The following NR1H4 variants were observed in gnomAD, a reference collection of about 807,000 sequenced individuals.
NR1H4 encodes bile acid receptor.
A neutral mutation model predicts 58.5 loss-of-function variants in NR1H4; 23 were observed. That is an observed-to-expected ratio of 0.39 (90% CI 0.28 to 0.56). The LOEUF is 0.56. Ranked by LOEUF, NR1H4 falls within the 20% of genes least tolerant of loss-of-function variation. NR1H4 has a pLI of 0.58. For synonymous variants in NR1H4, 214 were observed against 198.0 expected (o/e 1.08, Z -0.68); for missense variants, 487 against 576.9 (o/e 0.84, Z 1.60).
intron 4 of NR1H4, among the ~76,000 whole-genome samples, chr12:100,517,823 G>A (rs1025247009): frequency 6.6e-6 from 1 of 152,200 alleles, no homozygotes; most frequent in African/African-American, 2.4e-5. Context: ...TGAAGCATAA[G>A]TTGTTAATCT....
At chr12:100,483,505 C>T (rs1342526282) in intron 1 of NR1H4, among the ~76,000 whole-genome samples, 1 of 152,160 alleles carries the variant, frequency 6.6e-6, no homozygotes, top group Non-Finnish European at 1.5e-5. Flanking sequence ...TATTGGCTCG[C>T]AGCCATCCTT....
At chr12:100,495,634 A>G (rs1214985233) in intron 3 of NR1H4, among the ~76,000 whole-genome samples, 1 of 106,668 alleles carries the variant, frequency 9.4e-6, no homozygotes, top group African/African-American at 3.7e-5. Context: ...AAGAGAACTG[A>G]GGCAGGAGAA....
chr12:100,492,129 AC>A (rs1385784638), intron 1 of NR1H4, among the ~76,000 whole-genome samples: 1 of 152,322 alleles, frequency 6.6e-6, no homozygotes, highest in African/African-American at 2.4e-5. Context: ...ATATGTGCTC[AC>A]TGAATATTTG....
intron 4 of NR1H4, among the ~76,000 whole-genome samples, chr12:100,517,053 CTT>C (rs111950648): frequency 0.021 from 3,204 of 152,204 alleles, 123 homozygotes; most frequent in East Asian, 0.14. Context: ...AAAAACCTCT[CTT>C]CTAGTTATTT....
intron 1 of NR1H4, among the ~76,000 whole-genome samples, chr12:100,491,681 G>C (rs1226473154): frequency 6.6e-6 from 1 of 151,824 alleles, no homozygotes; most frequent in Non-Finnish European, 1.5e-5. Flanking sequence ...AGTAGGGCTT[G>C]GTGGAATTTG....
At chr12:100,495,363 A>G (rs942074562) in intron 3 of NR1H4, among the ~76,000 whole-genome samples, 3 of 152,028 alleles carry the variant, frequency 2.0e-5, no homozygotes, top group African/African-American at 7.2e-5. Context: ...CCTTTTCTCC[A>G]CTAAGCTGTA....
At chr12:100,495,514 C>T (rs1441108224) in intron 3 of NR1H4, among the ~76,000 whole-genome samples, 7 of 152,002 alleles carry the variant, frequency 4.6e-5, no homozygotes, top group African/African-American at 1.2e-4. Context: ...AGGTGGATCA[C>T]GAGGTCAGGA....
chr12:100,545,661 A>AAAAC (rs1955049301), intron 9 of NR1H4, among the ~76,000 whole-genome samples: 1 of 147,870 alleles, frequency 6.8e-6, no homozygotes, highest in African/African-American at 2.6e-5. Flanking sequence ...AAAAAAAAAA[A>AAAAC]AAAAAAAACC....
chr12:100,509,084 A>C (rs2136151135), intron 3 of NR1H4, among the ~76,000 whole-genome samples: 1 of 152,292 alleles, frequency 6.6e-6, no homozygotes, highest in Admixed American at 6.5e-5. Context: ...GGAACTGTGA[A>C]TCTGTATCAT....
Position 100,503,512 on chromosome 12 carries a change from C to T in NR1H4, c.80-7266C>T, listed in dbSNP as rs188325336. 1.8e-5 allele frequency: 29 copies of T among 1,568,216 alleles called. No individual in the cohort carries two copies. The African/African-American group carries it at 3.6e-4, about 20-fold the overall frequency. On this transcript the variant is annotated intron_variant, in intron 3 of 10. Coordinates refer to ENST00000392986, the MANE Select transcript of NR1H4 (RefSeq NM_001206979.2). ...CCCGCGAAAGGTAGGACACTGTTCA[C>T]AGGTGCTTTCAGGTCGAGCTCTTGC... is the stretch of plus-strand genomic sequence containing the variant.
rs1266910992 is a variant in NR1H4, at chr12:100,563,285, G to A, written c.1227G>A (p.Glu409=). 1.2e-6 allele frequency: 2 copies of A among 1,614,038 alleles called. No individual in the cohort carries two copies. The highest frequency in any genetic ancestry group is 2.2e-5 in the South Asian group (2 of 91,082). Residue 409 remains glutamate, a synonymous_variant, in exon 11 of 11, where the codon GAG becomes GAA. Transcript: ENST00000392986. ...ACATAAAGGATAGAGAGGCAGTAGA[G>A]AAGCTTCAGGAGCCACTTCTTGATG... ...RQYIKDREAV[E]KLQEPLLDVL...
Position 100,535,852 on chromosome 12 carries a change from G to C in NR1H4, c.733-660G>C, listed in dbSNP as rs1954801117. Among the ~76,000 whole-genome samples the C allele has an allele frequency of 2.6e-5, 4 of 152,296 alleles. No homozygotes were observed. The South Asian group carries it at 8.3e-4, about 32-fold the overall frequency. On this transcript the variant is annotated intron_variant, in intron 6 of 10. Coordinates refer to ENST00000392986, the MANE Select transcript of NR1H4 (RefSeq NM_001206979.2). ...GTAGAGGGAGAAAGAGATGTTTGGG[G>C]TCTGAATTGTCCAGATTGTTGACTC...
chr12:100,558,204 CAAAAAAAAA>C (rs569114964), intron 9 of NR1H4, among the ~76,000 whole-genome samples: 1 of 84,808 alleles, frequency 1.2e-5, no homozygotes, highest in African/African-American at 3.8e-5. Flanking sequence ...ACTAAAAATA[CAAAAAAAAA>C]AAAAAAAAAA....
intron 4 of NR1H4, among the ~76,000 whole-genome samples, chr12:100,530,595 G>A (rs1469695125): frequency 2.0e-5 from 3 of 152,162 alleles, no homozygotes; most frequent in African/African-American, 4.8e-5. Flanking sequence ...TATTTTGAGG[G>A]AATGAAGAGA....
At chr12:100,513,114 G>C (rs987366917) in intron 4 of NR1H4, among the ~76,000 whole-genome samples, 23 of 152,166 alleles carry the variant, frequency 1.5e-4, no homozygotes, top group Non-Finnish European at 3.1e-4. Context: ...TTTGTGGAGA[G>C]TCACGTCTGA....
intron 1 of NR1H4, among the ~76,000 whole-genome samples, chr12:100,478,145 G>C (rs960385944): frequency 3.7e-4 from 57 of 152,004 alleles, no homozygotes; most frequent in African/African-American, 1.4e-3. Context: ...GTGCCACTCT[G>C]GTGCTGGTTG....
chr12:100,482,685 G>A (rs1953406548), intron 1 of NR1H4, among the ~76,000 whole-genome samples: 1 of 152,168 alleles, frequency 6.6e-6, no homozygotes, highest in East Asian at 1.9e-4. Context: ...CCTGGAGTTT[G>A]TGCTAATCAA....
rs189111700 is a variant in NR1H4, at chr12:100,547,170, C to T, written c.1078+6352C>T. Among the ~76,000 whole-genome samples the T allele has an allele frequency of 2.1e-3, 316 of 152,252 alleles. 1 individual carries two copies. The highest frequency in any genetic ancestry group is 7.0e-3 in the African/African-American group (289 of 41,550). ...AGAAAAGGTGTCTTTCAAGAACATG[C>T]CATAGGAGTTGGAGCTCAAGGATAT... On this transcript the variant is annotated intron_variant, in intron 9 of 10. Coordinates refer to ENST00000392986, the MANE Select transcript of NR1H4 (RefSeq NM_001206979.2).
chr12:100,489,264 A>C (rs532444603), intron 1 of NR1H4, among the ~76,000 whole-genome samples: 2 of 152,324 alleles, frequency 1.3e-5, no homozygotes, highest in Admixed American at 6.5e-5. Context: ...TTTACCTCTA[A>C]CACTACTTTG....
Sources: allele counts gnomAD v4.1 joint callset (sites outside exome capture counted in the v4.1 genomes callset), GRCh38; gene constraint gnomAD v4.1.1; transcripts MANE v1.5; gene names NCBI Gene and HGNC (gene_info 2026-07-23, HGNC 2026-07-21).